Variants in RHOJ observed in about 807,000 individuals in gnomAD.
RHOJ encodes rho-related GTP-binding protein RhoJ.
In RHOJ, 11 loss-of-function variants were observed where a neutral mutation model predicts 23.4. The observed-to-expected ratio is 0.47, with a 90% CI of 0.30 to 0.78. The LOEUF is 0.78. Among genes scored for constraint, RHOJ ranks in the 30% least tolerant of loss-of-function variants. The pLI is 0.08. For missense variants in RHOJ, 254 were observed against 273.4 expected, an observed-to-expected ratio of 0.93 and a Z score of 0.50; for synonymous variants, 102 against 102.7, an observed-to-expected ratio of 0.99 and a Z score of 0.04.
At chr14:63,273,467 T>A (rs1386927710) in intron 2 of RHOJ, among the ~76,000 whole-genome samples, 1 of 152,230 alleles carries the variant, frequency 6.6e-6, no homozygotes, top group Non-Finnish European at 1.5e-5. Context: ...CCAGTTTGTT[T>A]ACAATGCTTC....
At chr14:63,256,072 G>A (rs1895159865) in intron 1 of RHOJ, among the ~76,000 whole-genome samples, 1 of 151,912 alleles carries the variant, frequency 6.6e-6, no homozygotes, top group Non-Finnish European at 1.5e-5. Context: ...TTTTTTGGTA[G>A]AGACAAGGTC....
chr14:63,230,000 C>G (rs1479717453), intron 1 of RHOJ, among the ~76,000 whole-genome samples: 2 of 152,156 alleles, frequency 1.3e-5, no homozygotes, highest in Non-Finnish European at 2.9e-5. Flanking sequence ...ATATTTCTCT[C>G]TCCTTTCAAT....
intron 1 of RHOJ, among the ~76,000 whole-genome samples, chr14:63,214,217 G>A (rs747658871): frequency 1.3e-5 from 2 of 152,136 alleles, no homozygotes; most frequent in Non-Finnish European, 2.9e-5. Context: ...TTCTACACCA[G>A]ACCCATTTAG....
intron 2 of RHOJ, among the ~76,000 whole-genome samples, chr14:63,273,523 C>G (rs575072386): frequency 1.3e-5 from 2 of 152,186 alleles, no homozygotes; most frequent in Non-Finnish European, 2.9e-5. Context: ...GTTGGGGACG[C>G]CACAGCCAAC....
Sources: allele counts gnomAD v4.1 joint callset (sites outside exome capture counted in the v4.1 genomes callset), GRCh38; gene constraint gnomAD v4.1.1; transcripts MANE v1.5; gene names NCBI Gene and HGNC (gene_info 2026-07-23, HGNC 2026-07-21).